PLEKHA8: variants seen among roughly 807,000 people sequenced by gnomAD.
The protein encoded by PLEKHA8 is pleckstrin homology domain-containing family A member 8.
PLEKHA8 carries 36 observed loss-of-function variants against 68.2 expected under a neutral mutation model. The ratio of observed to expected loss-of-function variants is 0.53; its 90% CI spans 0.40 to 0.70. PLEKHA8 has a LOEUF of 0.70. Among genes scored for constraint, PLEKHA8 ranks in the 30% least tolerant of loss-of-function variants. PLEKHA8 has a pLI of 0.00. For missense variants in PLEKHA8, 505 were observed against 615.4 expected, an observed-to-expected ratio of 0.82 and a Z score of 1.90; for synonymous variants, 211 against 216.1, an observed-to-expected ratio of 0.98 and a Z score of 0.20.
intron 4 of PLEKHA8, 85 bp from the exon 5 acceptor site, chr7:30,049,139 G>C: frequency 6.6e-7 from 1 of 1,508,376 alleles, no homozygotes; most frequent in Non-Finnish European, 9.2e-7. Context: ...TTATTATTTT[G>C]TGGGCAACCT....
chr7:30,107,395 A>G (rs1294068699), intron 13 of PLEKHA8, among the ~76,000 whole-genome samples: 1 of 152,074 alleles, frequency 6.6e-6, no homozygotes, highest in Non-Finnish European at 1.5e-5. Context: ...TCTTTTGGAA[A>G]ATTACATTTT....
intron 1 of PLEKHA8, among the ~76,000 whole-genome samples, chr7:30,033,322 C>G (rs896396276): frequency 6.6e-6 from 1 of 152,208 alleles, no homozygotes; most frequent in Non-Finnish European, 1.5e-5. Context: ...CTGCCCTTCA[C>G]TGTTGGCAAC....
intron 13 of PLEKHA8, among the ~76,000 whole-genome samples, chr7:30,121,216 G>T (rs991112220): frequency 6.6e-6 from 1 of 152,138 alleles, no homozygotes; most frequent in South Asian, 2.1e-4. Flanking sequence ...TCTTCCATGG[G>T]AGGTTGGTCA....
At chr7:30,116,084 GCATA>G (rs1468572352) in intron 13 of PLEKHA8, 1 of 148,152 alleles carries the variant, frequency 6.7e-6, no homozygotes, top group Non-Finnish European at 1.5e-5. Flanking sequence ...GTATACATAC[GCATA>G]CATACGTATA....
chr7:30,036,683 A>G (rs1791123782), intron 1 of PLEKHA8, among the ~76,000 whole-genome samples: 1 of 152,178 alleles, frequency 6.6e-6, no homozygotes, highest in Non-Finnish European at 1.5e-5. Context: ...AAGGTTTTAA[A>G]GAGAATTTGA....
At chr7:30,115,691 T>C (rs1396837457) in intron 13 of PLEKHA8, among the ~76,000 whole-genome samples, 2 of 148,450 alleles carry the variant, frequency 1.3e-5, no homozygotes, top group East Asian at 4.0e-4. Flanking sequence ...CATACATGCA[T>C]ACACGTATAC....
At chr7:30,036,406 GAATA>G (rs757905771) in intron 1 of PLEKHA8, among the ~76,000 whole-genome samples, 4 of 131,534 alleles carry the variant, frequency 3.0e-5, no homozygotes, top group Admixed American at 8.1e-5. Flanking sequence ...GGATAGGATA[GAATA>G]GATAGATAGA....
At chr7:30,095,693 A>G (rs1795587827), downstream of PLEKHA8, among the ~76,000 whole-genome samples, 2 of 152,192 alleles carry the variant, frequency 1.3e-5, no homozygotes, top group Admixed American at 1.3e-4. Flanking sequence ...TCTTGAATTA[A>G]TTTTTGTATA....
Position 30,080,106 on chromosome 7 carries a change from G to A in PLEKHA8, c.*1319G>A. 6.1e-6 allele frequency: 6 copies of A among 985,268 alleles called. No homozygotes were observed. The highest frequency in any genetic ancestry group is 7.2e-6 in the Non-Finnish European group (6 of 829,888). 61.0% of individuals were successfully genotyped at this position (985,268 alleles called of 1,614,324 possible). ...TTTAATCACCAAAAGTGCAGAGCAG[G>A]CAAAATGCAGCTGTTTATCAATCTC... is the stretch of plus-strand genomic sequence containing the variant. On this transcript the variant is annotated 3_prime_UTR_variant, in exon 14 of 14. Coordinates refer to ENST00000449726, the MANE Select transcript of PLEKHA8 (RefSeq NM_001197026.2).
chr7:30,088,657 A>T (rs183376525), downstream of PLEKHA8, among the ~76,000 whole-genome samples: 105 of 152,172 alleles, frequency 6.9e-4, 1 homozygote, highest in East Asian at 0.017. Context: ...AAACTCAGTT[A>T]AAAAAAATTC....
Position 30,083,825 on chromosome 7 carries a change from C to T in PLEKHA8, c.*5038C>T, listed in dbSNP as rs750322804. 36 of 985,220 alleles carry T rather than the reference C, an allele frequency of 3.7e-5. No homozygotes were observed. The highest frequency in any genetic ancestry group is 6.1e-5 in the Admixed American group (1 of 16,268). The allele number at this position is 985,220 out of a possible 1,614,324, so 61.0% of individuals were successfully genotyped here. On this transcript the variant is annotated 3_prime_UTR_variant, in exon 14 of 14. Transcript: ENST00000449726. Reference sequence around the variant, plus strand: ...TGTGGTCAGTATTTCCTCCCTGTACCTTACAAACAGAAACCACCCTGGGAT... The same window carrying T: ...TGTGGTCAGTATTTCCTCCCTGTACTTTACAAACAGAAACCACCCTGGGAT...
intron 13 of PLEKHA8, among the ~76,000 whole-genome samples, chr7:30,116,318 A>G (rs1406036153): frequency 1.3e-5 from 2 of 151,728 alleles, no homozygotes; most frequent in African/African-American, 4.8e-5. Context: ...ATATATACAT[A>G]CACATATGTG....
chr7:30,108,083 A>AAAAAAAAAAAAAAAAAAAAAAAAAAC lies in PLEKHA8; in HGVS notation c.1363-21174_1363-21173insAAAAAAAAAAAAAAAACAAAAAAAAA, dbSNP rs780069387. Among the ~76,000 whole-genome samples, 12 of 144,552 alleles carry AAAAAAAAAAAAAAAAAAAAAAAAAAC rather than the reference A, an allele frequency of 8.3e-5. 1 individual carries two copies. The highest frequency in any genetic ancestry group is 1.5e-4 in the Non-Finnish European group (10 of 65,176). 94.8% of individuals were successfully genotyped at this position (144,552 alleles called of 152,430 possible). A position where few individuals can be genotyped will look rare whatever the true frequency, so the allele number is the denominator to read the frequency against. ...ACTCCATCTCAAAAAAAAAAAAAAA[A>AAAAAAAAAAAAAAAAAAAAAAAAAAC]AAAAAAAAACCTACATTCATTGACA... On this transcript the variant is annotated intron_variant, in intron 13 of 13. Transcript: ENST00000396257.
chr7:30,062,545 T>C, intron 11 of PLEKHA8, 127 bp from the exon 12 acceptor site: 1 of 702,098 alleles, frequency 1.4e-6, no homozygotes, highest in Non-Finnish European at 2.5e-6. Flanking sequence ...GACTGCCATA[T>C]GATTTGACCT....
Position 30,082,195 on chromosome 7 carries a change from T to C in PLEKHA8, c.*3408T>C. 1.0e-6 allele frequency: 1 copy of C among 985,396 alleles called. No homozygotes were observed. Among genetic ancestry groups the C allele is most frequent in the Non-Finnish European group, 1.2e-6 (1 of 829,908 alleles). 61.0% of individuals were successfully genotyped at this position (985,396 alleles called of 1,614,324 possible). On this transcript the variant is annotated 3_prime_UTR_variant, in exon 14 of 14. Coordinates refer to ENST00000449726, the MANE Select transcript of PLEKHA8 (RefSeq NM_001197026.2). ...CATTTTTTGCATGTTATTCTGATTATTAAACTTCCCCCAATGTCATATTCC... is the reference window on the plus strand; with the variant it reads ...CATTTTTTGCATGTTATTCTGATTACTAAACTTCCCCCAATGTCATATTCC...
intron 13 of PLEKHA8, among the ~76,000 whole-genome samples, chr7:30,124,444 G>T (rs565265528): frequency 6.6e-6 from 1 of 152,288 alleles, no homozygotes; most frequent in East Asian, 1.9e-4. Flanking sequence ...AGAGCAAAAT[G>T]TAGGACAAAC....
At chr7:30,059,956 A>G (rs1235152586) in intron 9 of PLEKHA8, among the ~76,000 whole-genome samples, 5 of 134,344 alleles carry the variant, frequency 3.7e-5, no homozygotes, top group Non-Finnish European at 8.0e-5. Flanking sequence ...GGCCGAGGCA[A>G]GTGGGTCACA....
At chr7:30,087,146 T>C (rs1795216072), downstream of PLEKHA8, among the ~76,000 whole-genome samples, 1 of 152,198 alleles carries the variant, frequency 6.6e-6, no homozygotes, top group Non-Finnish European at 1.5e-5. Context: ...TTTTAGATAT[T>C]GTGAAGTCAA....
At chr7:30,121,043 T>C (rs574429027) in intron 13 of PLEKHA8, among the ~76,000 whole-genome samples, 2 of 151,934 alleles carry the variant, frequency 1.3e-5, no homozygotes, top group East Asian at 3.9e-4. Flanking sequence ...GATTAATCTA[T>C]TTAATCTGTG....
Sources: allele counts gnomAD v4.1 joint callset (sites outside exome capture counted in the v4.1 genomes callset), GRCh38; gene constraint gnomAD v4.1.1; transcripts MANE v1.5; gene names NCBI Gene and HGNC (gene_info 2026-07-23, HGNC 2026-07-21).